MYH10: variants seen among roughly 807,000 people sequenced by gnomAD.
MYH10 encodes myosin-10.
MYH10 carries 55 observed loss-of-function variants against 257.8 expected under a neutral mutation model. The ratio of observed to expected loss-of-function variants is 0.21; its 90% confidence interval spans 0.17 to 0.27. MYH10 has a LOEUF of 0.27. Among genes scored for constraint, MYH10 ranks in the 10% least tolerant of loss-of-function variants. The pLI, the probability that MYH10 is intolerant of heterozygous loss-of-function variation, is 1.00. For missense variants in MYH10, 1,631 were observed against 2,500.6 expected (o/e 0.65, Z 7.42); for synonymous variants, 854 against 921.7 (o/e 0.93, Z 1.33).
intron 6 of MYH10, among the ~76,000 whole-genome samples, chr17:8,573,598 G>C (rs2083414256): frequency 6.6e-6 from 1 of 152,170 alleles, no homozygotes; most frequent in Admixed American, 6.5e-5. Context: ...CTCTGTGCTA[G>C]ACTTTGAGGG....
At chr17:8,480,938 C>T (rs1420735419) in intron 38 of MYH10, among the ~76,000 whole-genome samples, 16 of 152,256 alleles carry the variant, frequency 1.1e-4, no homozygotes, top group Admixed American at 1.0e-3. Flanking sequence ...CAAAAAGGCG[C>T]ATGATGGACG....
intron 7 of MYH10, chr17:8,560,504 T>C (rs2082954000): frequency 3.7e-6 from 2 of 546,514 alleles, no homozygotes; most frequent in Non-Finnish European, 6.8e-6. Flanking sequence ...GACATCATTG[T>C]TGATGGTAAC....
In MYH10 at chr17:8,492,982, T is replaced by C. The variant is rs772344466; in HGVS notation, c.4252A>G (p.Ile1418Val). 1.2e-6 allele frequency: 2 copies of C among 1,614,116 alleles called. No homozygotes were observed. The highest frequency in any genetic ancestry group is 2.7e-5 in the African/African-American group (2 of 75,050). ...KKKVDDDLGT[I>V]ESLEEAKKKL... ...TTCTTGGCTTCTTCCAGACTTTCAA[T>C]TGTTCCCAGGTCGTCATCTACTTTC... The change falls in exon 33 of 43, where the codon ATT (isoleucine) becomes GTT (valine). Residue 1418 changes from isoleucine to valine, a missense_variant. Ile to Val is a conservative substitution (Grantham distance 29, BLOSUM62 3). Transcript: ENST00000360416.
chr17:8,571,475 A>G (rs1388315309), intron 6 of MYH10, among the ~76,000 whole-genome samples: 1 of 152,046 alleles, frequency 6.6e-6, no homozygotes, highest in Non-Finnish European at 1.5e-5. Context: ...GATGACTGAG[A>G]GCCATTGTTA....
chr17:8,498,351 G>A (rs1209686119), intron 30 of MYH10, among the ~76,000 whole-genome samples: 11 of 152,072 alleles, frequency 7.2e-5, no homozygotes, highest in Admixed American at 7.2e-4. Context: ...AGGAGGTCCT[G>A]GATGTAATCC....
At chr17:8,485,496 A>T (rs1204743757) in intron 36 of MYH10, among the ~76,000 whole-genome samples, 1 of 150,746 alleles carries the variant, frequency 6.6e-6, no homozygotes, top group African/African-American at 2.4e-5. Context: ...AATTAAGCTA[A>T]GGCAGGTGTG....
chr17:8,526,007 G>A (rs1483028584), intron 17 of MYH10, among the ~76,000 whole-genome samples: 3 of 152,162 alleles, frequency 2.0e-5, no homozygotes, highest in Admixed American at 6.5e-5. Flanking sequence ...TGGCCAGGCT[G>A]GTCTCGAACT....
At chr17:8,549,417 GAATT>G (rs1188448871) in intron 9 of MYH10, among the ~76,000 whole-genome samples, 1 of 152,208 alleles carries the variant, frequency 6.6e-6, no homozygotes, top group Non-Finnish European at 1.5e-5. Flanking sequence ...TAGGAGACAT[GAATT>G]AAAGAGAACT....
chr17:8,576,533 T>C (rs2083502915), intron 6 of MYH10, 110 bp downstream of exon 6: 3 of 1,091,364 alleles, frequency 2.7e-6, no homozygotes, highest in Admixed American at 2.4e-5. Flanking sequence ...AATTTTTTAA[T>C]GACAGATTTC....
At position 8,506,299 on chromosome 17, in the gene MYH10, C is replaced by T. The variant is rs1427672828; in HGVS notation, c.3386+19G>A. ...CAGCCCCATGGGCTCCCGTGCAGCG[C>T]AGCTGCTGGGCTGCAGACCTGGCCA... On this transcript the variant is annotated intron_variant, in intron 27 of 42. Coordinates refer to ENST00000360416, the MANE Select transcript of MYH10 (RefSeq NM_001256012.3). This position sits in a 1 kb window ranked among gnomAD's most constrained non-coding sequence, Gnocchi z 5.0. 3.2e-6 allele frequency: 5 copies of T among 1,566,562 alleles called. No individual in the cohort carries two copies. Among genetic ancestry groups the T allele is most frequent in the African/African-American group, 1.4e-5 (1 of 72,060 alleles).
At chr17:8,599,673 C>T (rs425034) in intron 3 of MYH10, among the ~76,000 whole-genome samples, 147,739 of 152,288 alleles carry the variant, frequency 0.97, 71,836 homozygotes, top group Middle Eastern at 1. Context: ...AAGGAACTAA[C>T]TTTCTTATTT....
chr17:8,540,080 C>T (rs1012051000), intron 14 of MYH10, among the ~76,000 whole-genome samples: 1 of 152,186 alleles, frequency 6.6e-6, no homozygotes, highest in Non-Finnish European at 1.5e-5. Context: ...ACCTCTGCCT[C>T]CTGGGTTTAA....
intron 7 of MYH10, among the ~76,000 whole-genome samples, chr17:8,559,600 T>C (rs886945796): frequency 9.2e-5 from 14 of 152,292 alleles, no homozygotes; most frequent in Admixed American, 5.9e-4. Context: ...AGATCACTAA[T>C]ACTCCATAAT....
intron 2 of MYH10, among the ~76,000 whole-genome samples, chr17:8,609,222 T>C (rs924621081): frequency 1.3e-5 from 2 of 152,128 alleles, no homozygotes; most frequent in African/African-American, 4.8e-5. Context: ...AAGTGTAGGC[T>C]GGTGCAAATG....
chr17:8,591,408 G>A (rs942682669), intron 3 of MYH10, among the ~76,000 whole-genome samples: 1 of 152,128 alleles, frequency 6.6e-6, no homozygotes, highest in East Asian at 1.9e-4. Flanking sequence ...TTCTAGCTCT[G>A]CCACAAACTG....
chr17:8,518,588 A>G (rs1327828459), intron 21 of MYH10, 43 bp downstream of exon 21: 5 of 1,583,032 alleles, frequency 3.2e-6, no homozygotes, highest in Non-Finnish European at 4.3e-6. Context: ...ATCTAGCACA[A>G]GCACTTCCTC....
chr17:8,569,579 T>G lies in MYH10; in HGVS notation c.756+141A>C. The G allele has an allele frequency of 1.9e-6, 1 of 517,986 alleles. No homozygotes were observed. 32.1% of individuals were successfully genotyped at this position (517,986 alleles called of 1,614,324 possible). ...GACTACTAGAAAATTTAAAATTACATGTGAGCTTGTATTATGTCTACAGAA... is the reference window on the plus strand; with the variant it reads ...GACTACTAGAAAATTTAAAATTACAGGTGAGCTTGTATTATGTCTACAGAA... On this transcript the variant is annotated intron_variant, in intron 7 of 42. Coordinates refer to ENST00000360416, the MANE Select transcript of MYH10 (RefSeq NM_001256012.3). This position sits in a 1 kb window ranked among gnomAD's most constrained non-coding sequence, Gnocchi z 4.1.
At chr17:8,550,341 C>A (rs2082591420) in intron 9 of MYH10, among the ~76,000 whole-genome samples, 1 of 152,038 alleles carries the variant, frequency 6.6e-6, no homozygotes, top group African/African-American at 2.4e-5. Context: ...TGCCCCGCCG[C>A]CCCGTCTGGG....
At position 8,511,018 on chromosome 17, in the gene MYH10, A is replaced by C. The variant is rs1721659254; in HGVS notation, c.2953-1069T>G. ...TATCAAAACATCTCATGTACCCCAT[A>C]TATATATATATATATATATATATAT... On this transcript the variant is annotated intron_variant, in intron 24 of 42. Coordinates refer to ENST00000360416, the MANE Select transcript of MYH10 (RefSeq NM_001256012.3). 3 of 3,116 alleles carry C rather than the reference A, an allele frequency of 9.6e-4. No individual in the cohort carries two copies. The Admixed American group carries it at 0.019, about 20-fold the overall frequency. The allele number at this position is 3,116 out of a possible 1,614,324, so 0.2% of individuals were successfully genotyped here.
Sources: gnomAD v4.1 joint callset for allele counts (sites outside exome capture counted in the v4.1 genomes callset) on GRCh38, gnomAD v4.1.1 for gene constraint, Gnocchi (gnomAD v3.1) non-coding constraint, MANE v1.5 for transcripts, NCBI Gene and HGNC (gene_info 2026-07-23, HGNC 2026-07-21) for gene names.